PTPRD: variants seen among roughly 807,000 people sequenced by gnomAD.
PTPRD encodes protein tyrosine phosphatase receptor type D.
PTPRD carries 34 observed loss-of-function variants against 214.5 expected under a neutral mutation model. The observed-to-expected ratio is 0.16, with a 90% CI of 0.12 to 0.21. The LOEUF (loss-of-function observed/expected upper bound fraction) is 0.21, where lower values mean the gene tolerates loss of function less well. Among genes scored for constraint, PTPRD ranks in the 10% least tolerant of loss-of-function variants. The pLI, the probability that PTPRD is intolerant of heterozygous loss-of-function variation, is 1.00. For missense variants in PTPRD, 2,545 were observed against 2,398.7 expected, an observed-to-expected ratio of 1.06 and a Z score of -1.27; for synonymous variants, 1,128 against 845.7, an observed-to-expected ratio of 1.33 and a Z score of -5.79.
chr9:9,552,389 T>C (rs76583922), intron 8 of PTPRD, among the ~76,000 whole-genome samples: 2,511 of 152,176 alleles, frequency 0.017, 39 homozygotes, highest in Admixed American at 0.026. Context: ...TAGTAAAACT[T>C]TCAAACCTCT....
intron 9 of PTPRD, among the ~76,000 whole-genome samples, chr9:9,239,852 G>C (rs990400103): frequency 1.3e-5 from 2 of 152,184 alleles, no homozygotes; most frequent in African/African-American, 4.8e-5. Context: ...CTGGTATGTG[G>C]GTCAAAGATC....
At chr9:8,496,202 ACACACACAAAC>A (rs1563827755) in intron 26 of PTPRD, among the ~76,000 whole-genome samples, 56 of 147,092 alleles carry the variant, frequency 3.8e-4, no homozygotes, top group South Asian at 3.1e-3. Context: ...ACACACACAC[ACACACACAAAC>A]ACACACACAC....
At chr9:10,511,975 T>TATATATATATAC (rs1566641481) in intron 2 of PTPRD, among the ~76,000 whole-genome samples, 3 of 62,516 alleles carry the variant, frequency 4.8e-5, no homozygotes, top group Middle Eastern at 7.2e-3. Context: ...TACGTGTGTG[T>TATATATATATAC]GTATATATAT....
At chr9:8,440,796 G>A (rs762541295) in intron 34 of PTPRD, among the ~76,000 whole-genome samples, 11 of 152,108 alleles carry the variant, frequency 7.2e-5, no homozygotes, top group Non-Finnish European at 1.5e-4. Flanking sequence ...CTGATGTCAC[G>A]GTGACTTCCT....
At chr9:9,281,915 G>T (rs918129310) in intron 9 of PTPRD, among the ~76,000 whole-genome samples, 2 of 151,066 alleles carry the variant, frequency 1.3e-5, no homozygotes, top group African/African-American at 4.8e-5. Flanking sequence ...ATATTATTCA[G>T]CACTAAAATA....
intron 3 of PTPRD, among the ~76,000 whole-genome samples, chr9:10,263,186 A>G (rs541802091): frequency 6.6e-6 from 1 of 152,190 alleles, no homozygotes; most frequent in South Asian, 2.1e-4. Flanking sequence ...AAACCAATAC[A>G]GTAAATTGGT....
intron 3 of PTPRD, among the ~76,000 whole-genome samples, chr9:10,156,715 C>A (rs2099095569): frequency 6.6e-6 from 1 of 152,134 alleles, no homozygotes; most frequent in Admixed American, 6.5e-5. Flanking sequence ...AGTGTTCTGT[C>A]TAATACTGTC....
At chr9:10,464,358 C>T (rs1300288199) in intron 2 of PTPRD, among the ~76,000 whole-genome samples, 1 of 149,246 alleles carries the variant, frequency 6.7e-6, no homozygotes, top group Admixed American at 6.7e-5. Context: ...CCAGCCTGAG[C>T]GATGGAGTGA....
intron 14 of PTPRD, among the ~76,000 whole-genome samples, chr9:8,633,000 G>T (rs1441351184): frequency 1.3e-5 from 2 of 151,870 alleles, no homozygotes; most frequent in Non-Finnish European, 2.9e-5. Context: ...CCATGCACGA[G>T]TAATGCCAAC....
At chr9:10,117,096 T>G (rs1008877308) in intron 3 of PTPRD, among the ~76,000 whole-genome samples, 17 of 152,150 alleles carry the variant, frequency 1.1e-4, no homozygotes, top group African/African-American at 3.9e-4. Context: ...GAGCAGGAAT[T>G]TGTATCTTCT....
rs548910778 is a variant in PTPRD at position 9,421,963 on chromosome 9, A to G, written c.-236-24481T>C. On this transcript the variant is annotated intron_variant, in intron 8 of 45. Transcript: ENST00000381196. The stretch of plus-strand genomic sequence containing the variant: ...ACAAACAAACAACAATAACACAAAC[A>G]AAAACTGTAAGTGACACCAGTATTG... 2.0e-5 allele frequency among the ~76,000 whole-genome samples: 3 copies of G among 152,246 alleles called. No individual in the cohort carries two copies. The South Asian group carries it at 6.2e-4, about 32-fold the overall frequency.
intron 11 of PTPRD, chr9:8,963,131 G>C (rs2154320907): frequency 6.6e-6 from 1 of 152,080 alleles, no homozygotes; most frequent in South Asian, 2.1e-4. Context: ...ATAGAAGCTA[G>C]ACATAGGAAA....
At position 10,548,899 on chromosome 9, in the gene PTPRD, A is replaced by G. The variant is rs183003840; in HGVS notation, c.-600+63499T>C. On this transcript the variant is annotated intron_variant, in intron 2 of 45. Transcript: ENST00000381196. ...TCTTTAGGACACTGTTAATGTGCAT[A>G]AAATTCTGGATAGCAACCAACTGTG... Among the ~76,000 whole-genome samples, 127 of 152,328 alleles carry G rather than the reference A, an allele frequency of 8.3e-4. 1 individual carries two copies. The highest frequency in any genetic ancestry group is 3.0e-3 in the African/African-American group (123 of 41,578).
At chr9:10,288,810 T>G (rs199689632) in intron 3 of PTPRD, among the ~76,000 whole-genome samples, 1 of 79,918 alleles carries the variant, frequency 1.3e-5, no homozygotes, top group Admixed American at 1.5e-4. Context: ...AATTAAAAAC[T>G]TTTTTTCTGC....
At chr9:8,942,097 C>A (rs532800874) in intron 11 of PTPRD, among the ~76,000 whole-genome samples, 6 of 152,152 alleles carry the variant, frequency 3.9e-5, no homozygotes, top group Admixed American at 1.3e-4. Context: ...TGAGCCACTG[C>A]GCCTGGCCTA....
intron 3 of PTPRD, among the ~76,000 whole-genome samples, chr9:10,191,027 T>C (rs997824661): frequency 4.6e-5 from 7 of 152,118 alleles, no homozygotes; most frequent in African/African-American, 1.7e-4. Context: ...ACTTCACTAA[T>C]AATTGGCCTC....
chr9:9,064,855 T>C (rs1221297123), intron 10 of PTPRD, among the ~76,000 whole-genome samples: 5 of 152,160 alleles, frequency 3.3e-5, no homozygotes, highest in African/African-American at 7.2e-5. Context: ...AATAAGCAAA[T>C]AGCTTATGGG....
chr9:9,389,777 T>G (rs1018178574), intron 9 of PTPRD, among the ~76,000 whole-genome samples: 4 of 152,204 alleles, frequency 2.6e-5, no homozygotes, highest in Non-Finnish European at 4.4e-5. Flanking sequence ...ATAATTTGAC[T>G]GTCCATTTGT....
At chr9:9,072,324 C>T (rs137916788) in intron 10 of PTPRD, among the ~76,000 whole-genome samples, 65 of 150,304 alleles carry the variant, frequency 4.3e-4, no homozygotes, top group Admixed American at 1.4e-3. Flanking sequence ...CACACACACT[C>T]CTTAATATTC....
Sources: allele counts gnomAD v4.1 joint callset (sites outside exome capture counted in the v4.1 genomes callset), GRCh38; gene constraint gnomAD v4.1.1; transcripts MANE v1.5; gene names NCBI Gene and HGNC (gene_info 2026-07-23, HGNC 2026-07-21).